The following SUSD6 variants were observed in gnomAD, a reference collection of about 807,000 sequenced individuals.
SUSD6 encodes sushi domain-containing protein 6.
In SUSD6, 16 loss-of-function variants were observed where a neutral mutation model predicts 28.4. The ratio of observed to expected loss-of-function variants is 0.56; its 90% CI spans 0.38 to 0.86. SUSD6 has a LOEUF of 0.86. Among genes scored for constraint, SUSD6 ranks in the 40% least tolerant of loss-of-function variants. The pLI is 0.00. For synonymous variants in SUSD6, 147 were observed against 159.6 expected (o/e 0.92, Z 0.59); for missense variants, 341 against 384.2 (o/e 0.89, Z 0.94).
At chr14:69,658,075 A>G (rs1450296821) in intron 1 of SUSD6, among the ~76,000 whole-genome samples, 1 of 152,170 alleles carries the variant, frequency 6.6e-6, no homozygotes, top group African/African-American at 2.4e-5. Context: ...TTCCTTCTCT[A>G]GGCGGTGTAT....
At chr14:69,684,606 G>A (rs1347521686) in intron 2 of SUSD6, among the ~76,000 whole-genome samples, 1 of 152,244 alleles carries the variant, frequency 6.6e-6, no homozygotes, top group Non-Finnish European at 1.5e-5. Flanking sequence ...CCTGGGCTGG[G>A]CCTGCTGACT....
At chr14:69,651,101 A>T (rs1212385968) in intron 1 of SUSD6, among the ~76,000 whole-genome samples, 1 of 152,194 alleles carries the variant, frequency 6.6e-6, no homozygotes, top group Non-Finnish European at 1.5e-5. Flanking sequence ...TTTGGGGATC[A>T]TCCAGGTTCA....
At chr14:69,622,066 C>T (rs1004021424) in intron 1 of SUSD6, among the ~76,000 whole-genome samples, 4 of 152,156 alleles carry the variant, frequency 2.6e-5, no homozygotes, top group South Asian at 2.1e-4. Flanking sequence ...GATGCTCTTT[C>T]CTATATACTA....
rs376292179 is a variant in SUSD6, at chr14:69,627,770, G to A, written c.-81+15942G>A. 7.2e-5 allele frequency among the ~76,000 whole-genome samples: 11 copies of A among 152,054 alleles called. No individual in the cohort carries two copies. The East Asian group carries it at 9.7e-4, about 13-fold the overall frequency. ...TGAGCCACCGTGCCCGGCCCAGATG[G>A]TATTTCTAGTAAAAGTGGCAGATGT... On this transcript the variant is annotated intron_variant, in intron 1 of 5. Transcript: ENST00000342745.
At chr14:69,689,700 G>T (rs781140171) in intron 2 of SUSD6, among the ~76,000 whole-genome samples, 1 of 152,102 alleles carries the variant, frequency 6.6e-6, no homozygotes, top group Non-Finnish European at 1.5e-5. Context: ...ATGGAGTCTC[G>T]CTCTCACCAG....
At chr14:69,670,360 T>C (rs1272343922) in intron 2 of SUSD6, 8 of 436,662 alleles carry the variant, frequency 1.8e-5, no homozygotes, top group Non-Finnish European at 4.7e-6. Flanking sequence ...TGCCAGCTAC[T>C]GAAAATAGAA....
chr14:69,699,975 C>T (rs1886290701), intron 2 of SUSD6, among the ~76,000 whole-genome samples: 1 of 152,150 alleles, frequency 6.6e-6, no homozygotes. Context: ...GCCGTCCCAC[C>T]CTAATCTTTT....
chr14:69,614,611 A>T (rs192467654), intron 1 of SUSD6, among the ~76,000 whole-genome samples: 306 of 152,306 alleles, frequency 2.0e-3, no homozygotes, highest in Non-Finnish European at 3.4e-3. Context: ...TTTTGCTTCA[A>T]ATATTTTCTT....
At chr14:69,632,663 A>C (rs1056869192) in intron 1 of SUSD6, among the ~76,000 whole-genome samples, 2 of 151,476 alleles carry the variant, frequency 1.3e-5, no homozygotes, top group Non-Finnish European at 2.9e-5. Context: ...AAAAAAAAAA[A>C]ACAAAACACT....
chr14:69,628,289 G>A (rs1213688685), intron 1 of SUSD6, among the ~76,000 whole-genome samples: 2 of 152,112 alleles, frequency 1.3e-5, no homozygotes, highest in African/African-American at 2.4e-5. Context: ...CTCTCACCAC[G>A]TGGGTCATTT....
At chr14:69,633,969 G>T (rs8010208) in intron 1 of SUSD6, among the ~76,000 whole-genome samples, 2,556 of 152,316 alleles carry the variant, frequency 0.017, 73 homozygotes, top group African/African-American at 0.059. Flanking sequence ...GGAGGCTGGG[G>T]ACCATCCAGT....
intron 2 of SUSD6, among the ~76,000 whole-genome samples, chr14:69,682,971 T>TC (rs1491163957): frequency 9.6e-4 from 98 of 102,610 alleles, no homozygotes; most frequent in African/African-American, 3.6e-3. Flanking sequence ...TTTTTTTTTT[T>TC]CACTTGGGGA....
chr14:69,685,530 T>C (rs950487205), intron 2 of SUSD6, among the ~76,000 whole-genome samples: 4 of 152,176 alleles, frequency 2.6e-5, no homozygotes, highest in African/African-American at 4.8e-5. Context: ...AGTGCAAACC[T>C]TGGGACCCTG....
At chr14:69,703,339 C>G in intron 2 of SUSD6, 56 bp from the exon 3 acceptor site, 1 of 1,382,176 alleles carries the variant, frequency 7.2e-7, no homozygotes, top group Non-Finnish European at 1.0e-6. Context: ...TCACTGAGAG[C>G]AGACTCCTAC....
intron 1 of SUSD6, among the ~76,000 whole-genome samples, chr14:69,612,516 T>C (rs76671603): frequency 1.3e-5 from 2 of 152,064 alleles, no homozygotes; most frequent in Non-Finnish European, 2.9e-5. Context: ...CTCTCCCTCA[T>C]GGGAGTCGTG....
intron 2 of SUSD6, among the ~76,000 whole-genome samples, chr14:69,696,927 A>G (rs186980396): frequency 1.1e-3 from 173 of 152,352 alleles, no homozygotes; most frequent in African/African-American, 4.0e-3. Context: ...GGAATAAAAG[A>G]ATGGCTGCTG....
intron 2 of SUSD6, among the ~76,000 whole-genome samples, chr14:69,702,066 C>G (rs957982411): frequency 5.9e-5 from 9 of 152,094 alleles, no homozygotes; most frequent in Non-Finnish European, 1.3e-4. Flanking sequence ...TGAGAAACTG[C>G]CTTATCTTGG....
intron 1 of SUSD6, among the ~76,000 whole-genome samples, chr14:69,622,380 CCGGT>C (rs1322991621): frequency 6.6e-6 from 1 of 152,002 alleles, no homozygotes; most frequent in East Asian, 1.9e-4. Context: ...GTTGCCCAGG[CCGGT>C]CTTGAGCTCC....
At chr14:69,639,724 A>G (rs1020048936) in intron 1 of SUSD6, among the ~76,000 whole-genome samples, 4 of 152,166 alleles carry the variant, frequency 2.6e-5, no homozygotes, top group Admixed American at 2.0e-4. Context: ...ATGTTGGATC[A>G]AGTGATTCTT....
Sources: allele counts gnomAD v4.1 joint callset (sites outside exome capture counted in the v4.1 genomes callset), GRCh38; gene constraint gnomAD v4.1.1; transcripts MANE v1.5; gene names NCBI Gene and HGNC (gene_info 2026-07-23, HGNC 2026-07-21).